The following DAB1 variants were observed in gnomAD, a reference collection of about 807,000 sequenced individuals.
The protein encoded by DAB1 is DAB adaptor protein 1.
Under a neutral mutation model 64.6 loss-of-function variants are expected in DAB1, and 15 were observed. The observed-to-expected ratio is 0.23, with a 90% confidence interval of 0.16 to 0.36. The LOEUF is 0.36. DAB1 is among the 10% of genes least tolerant of loss of function. DAB1 has a pLI of 1.00. For missense variants in DAB1, 596 were observed against 706.7 expected, an observed-to-expected ratio of 0.84 and a Z score of 1.78; for synonymous variants, 235 against 251.9, an observed-to-expected ratio of 0.93 and a Z score of 0.64.
At chr1:58,398,141 A>G (rs1297947204) in intron 3 of DAB1, among the ~76,000 whole-genome samples, 1 of 152,152 alleles carries the variant, frequency 6.6e-6, no homozygotes, top group African/African-American at 2.4e-5. Context: ...GCTTCCCCAC[A>G]TAAAAGCATG....
In DAB1 at chr1:57,291,308, T is replaced by G. The variant is rs595513; in HGVS notation, c.-136-142A>C. On this transcript the variant is annotated intron_variant, in intron 1 of 14. Transcript: ENST00000371236. ...CTGCTCCCATGGTTTCATGAAGGCA[T>G]TGATAGGGTTTATACAGCAAAGGGA... 121,232 of 297,468 alleles carry G rather than the reference T, an allele frequency of 0.41. 26,019 individuals carry two copies. The highest frequency in any genetic ancestry group is 0.58 in the Admixed American group (11,427 of 19,606). The allele number at this position is 297,468 out of a possible 1,614,324, so 18.4% of individuals were successfully genotyped here. A position where few individuals can be genotyped will look rare whatever the true frequency, so the allele number is the denominator to read the frequency against.
intron 6 of DAB1, among the ~76,000 whole-genome samples, chr1:57,801,317 GTT>G (rs1241773240): frequency 6.6e-6 from 1 of 152,166 alleles, no homozygotes; most frequent in African/African-American, 2.4e-5. Flanking sequence ...GACAGACTAG[GTT>G]ATCCACGGGT....
chr1:57,613,472 T>G (rs1431803632), intron 7 of DAB1, among the ~76,000 whole-genome samples: 1 of 152,148 alleles, frequency 6.6e-6, no homozygotes, highest in Non-Finnish European at 1.5e-5. Context: ...TCCCATAGTG[T>G]AGTTCGGTTT....
At chr1:57,275,637 G>C (rs1671399590) in intron 2 of DAB1, among the ~76,000 whole-genome samples, 1 of 152,134 alleles carries the variant, frequency 6.6e-6, no homozygotes, top group Non-Finnish European at 1.5e-5. Flanking sequence ...TATTAAAGTT[G>C]ATAAGCTGAG....
intron 6 of DAB1, among the ~76,000 whole-genome samples, chr1:57,664,610 T>C (rs1490276323): frequency 6.6e-6 from 1 of 152,126 alleles, no homozygotes; most frequent in Admixed American, 6.5e-5. Flanking sequence ...GGGAACTTCA[T>C]CCTAAGGAAA....
At chr1:58,266,632 A>T (rs1181419752) in intron 4 of DAB1, among the ~76,000 whole-genome samples, 1 of 152,186 alleles carries the variant, frequency 6.6e-6, no homozygotes, top group Non-Finnish European at 1.5e-5. Flanking sequence ...GCTCTGATCT[A>T]ACATTTGCAT....
At chr1:57,576,508 T>C (rs2101543117) in intron 7 of DAB1, among the ~76,000 whole-genome samples, 1 of 152,260 alleles carries the variant, frequency 6.6e-6, no homozygotes, top group African/African-American at 2.4e-5. Flanking sequence ...GAATGGTGCA[T>C]TTACAAGGAA....
At position 58,536,842 on chromosome 1, in the gene DAB1, A is replaced by T. The variant is rs1215436907; in HGVS notation, n.33-9507T>A. The T allele has an allele frequency of 4.2e-5, 29 of 688,924 alleles. No homozygotes were observed. The East Asian group carries it at 7.0e-4, about 17-fold the overall frequency. 42.7% of individuals were successfully genotyped at this position (688,924 alleles called of 1,614,324 possible). A position where few individuals can be genotyped will look rare whatever the true frequency, so the allele number is the denominator to read the frequency against. ...GAATTTTACGTCCTCAAATACCTGA[A>T]TTTGTATGATGTATTTCGCTGAATA... On this transcript the variant is annotated intron_variant and non_coding_transcript_variant, in intron 1 of 20. Transcript: ENST00000485760.
At position 57,944,236 on chromosome 1, in the gene DAB1, G is replaced by T. The variant is rs754819747; in HGVS notation, n.388-60074C>A. 2.0e-4 allele frequency among the ~76,000 whole-genome samples: 30 copies of T among 151,970 alleles called. 1 individual carries two copies. The highest frequency in any genetic ancestry group is 1.2e-3 in the South Asian group (6 of 4,802). On this transcript the variant is annotated intron_variant and non_coding_transcript_variant, in intron 5 of 20. Coordinates refer to the DAB1 transcript ENST00000485760. ...GACTGTCTTTCACCTGTCCTGTTTG[G>T]TGGCCTGGTACCCTGTTCCTTGAGG...
Position 58,476,090 on chromosome 1 carries a change from G to A in DAB1, n.257+29970C>T, listed in dbSNP as rs1381543286. Among the ~76,000 whole-genome samples the A allele has an allele frequency of 2.6e-5, 4 of 152,136 alleles. No homozygotes were observed. In the South Asian group the frequency reaches 8.3e-4, roughly 31 times the overall value. On this transcript the variant is annotated intron_variant and non_coding_transcript_variant, in intron 3 of 20. Coordinates refer to the DAB1 transcript ENST00000485760. ...TCTGATTTTAGACCAATGCTGCCCA[G>A]GACAAGGTCCCGGGCCTCTTGTGGT...
intron 5 of DAB1, among the ~76,000 whole-genome samples, chr1:58,118,627 A>G (rs1557658085): frequency 7.1e-6 from 1 of 141,348 alleles, no homozygotes; most frequent in African/African-American, 2.6e-5. Context: ...TATATAAAAT[A>G]CATATATATA....
chr1:57,075,091 T>C (rs542144156), intron 4 of DAB1, among the ~76,000 whole-genome samples: 22 of 152,306 alleles, frequency 1.4e-4, no homozygotes, highest in African/African-American at 5.1e-4. Flanking sequence ...GTGGAGAATG[T>C]TATCCACGTT....
chr1:57,844,494 C>T (rs1653190740), intron 1 of DAB1, among the ~76,000 whole-genome samples: 1 of 152,194 alleles, frequency 6.6e-6, no homozygotes, highest in African/African-American at 2.4e-5. Flanking sequence ...CTAACCCCTT[C>T]CTTTCTGAAG....
At chr1:57,602,914 C>T (rs893537789) in intron 7 of DAB1, among the ~76,000 whole-genome samples, 2 of 152,084 alleles carry the variant, frequency 1.3e-5, no homozygotes, top group African/African-American at 2.4e-5. Flanking sequence ...ATAGAGGGGG[C>T]ATGAGTGCTA....
At chr1:57,764,211 G>T (rs189351840) in intron 6 of DAB1, among the ~76,000 whole-genome samples, 2 of 152,268 alleles carry the variant, frequency 1.3e-5, no homozygotes, top group African/African-American at 4.8e-5. Flanking sequence ...TTCTAGAGGG[G>T]CCATGAATTC....
chr1:58,475,157 T>G (rs192351091), intron 3 of DAB1, among the ~76,000 whole-genome samples: 23 of 152,240 alleles, frequency 1.5e-4, no homozygotes, highest in Admixed American at 6.5e-4. Context: ...AGATTAATTA[T>G]TAGTAGTAGT....
intron 4 of DAB1, among the ~76,000 whole-genome samples, chr1:58,175,776 C>A (rs952200888): frequency 6.6e-6 from 1 of 152,148 alleles, no homozygotes; most frequent in African/African-American, 2.4e-5. Context: ...CAAGGTCATC[C>A]TTCCAGCTAA....
At chr1:57,601,769 T>C (rs1269697321) in intron 7 of DAB1, among the ~76,000 whole-genome samples, 1 of 152,220 alleles carries the variant, frequency 6.6e-6, no homozygotes, top group African/African-American at 2.4e-5. Flanking sequence ...ATGTTATTTG[T>C]TGTTTTTCTT....
chr1:58,161,386 G>T (rs1472387302), intron 4 of DAB1, among the ~76,000 whole-genome samples: 1 of 152,122 alleles, frequency 6.6e-6, no homozygotes, highest in Non-Finnish European at 1.5e-5. Flanking sequence ...AGATGAAGAA[G>T]AAAAGAGCTT....
Sources: gnomAD v4.1 joint callset for allele counts (sites outside exome capture counted in the v4.1 genomes callset) on GRCh38, gnomAD v4.1.1 for gene constraint, MANE v1.5 for transcripts, NCBI Gene and HGNC (gene_info 2026-07-23, HGNC 2026-07-21) for gene names.